SLC44A5: variants seen among roughly 807,000 people sequenced by gnomAD.
SLC44A5 encodes choline transporter-like protein 5.
SLC44A5 carries 57 observed loss-of-function variants against 101.8 expected under a neutral mutation model. The ratio of observed to expected loss-of-function variants is 0.56; its 90% CI spans 0.45 to 0.70. The LOEUF (loss-of-function observed/expected upper bound fraction) is 0.70. SLC44A5 is among the 30% of genes least tolerant of loss of function. The pLI, the probability that SLC44A5 is intolerant of heterozygous loss-of-function variation, is 0.00. For missense variants in SLC44A5, 737 were observed against 853.1 expected (o/e 0.86, Z 1.70); for synonymous variants, 281 against 290.9 (o/e 0.97, Z 0.35).
chr1:75,354,791 C>T (rs1278310199), intron 3 of SLC44A5, among the ~76,000 whole-genome samples: 3 of 152,124 alleles, frequency 2.0e-5, no homozygotes, highest in South Asian at 4.1e-4. Context: ...CAGGAATTTT[C>T]CAGAATTTCT....
chr1:75,618,843 G>T, the SLC44A5 span, among the ~76,000 whole-genome samples: 1 of 152,076 alleles, frequency 6.6e-6, no homozygotes, highest in East Asian at 1.9e-4. Context: ...GCTGAGATGG[G>T]TGGACCACCT....
chr1:75,469,317 GACTA>G (rs1479140175), intron 2 of SLC44A5, among the ~76,000 whole-genome samples: 1 of 152,284 alleles, frequency 6.6e-6, no homozygotes, highest in Admixed American at 6.5e-5. Context: ...CACAGTTGAA[GACTA>G]ACTGATTGAT....
the SLC44A5 span, among the ~76,000 whole-genome samples, chr1:75,662,678 G>T: frequency 1.2e-5 from 1 of 83,788 alleles, no homozygotes; most frequent in Admixed American, 1.1e-4. Flanking sequence ...ATATATGTAT[G>T]TAATACCCAT....
At chr1:75,659,446 A>AGGGAAGGG in the SLC44A5 span, among the ~76,000 whole-genome samples, 1 of 15,174 alleles carries the variant, frequency 6.6e-5, no homozygotes, top group Non-Finnish European at 1.9e-4. Flanking sequence ...GGAGGGAGGG[A>AGGGAAGGG]AGGAAGGAAG....
At chr1:75,580,969 G>A (rs1673664667) in intron 1 of SLC44A5, among the ~76,000 whole-genome samples, 1 of 152,204 alleles carries the variant, frequency 6.6e-6, no homozygotes, top group Non-Finnish European at 1.5e-5. Context: ...CTGTGGAGAA[G>A]AAAGATACTT....
chr1:75,479,845 C>T (rs1396272268), intron 2 of SLC44A5, among the ~76,000 whole-genome samples: 1 of 152,206 alleles, frequency 6.6e-6, no homozygotes, highest in Non-Finnish European at 1.5e-5. Flanking sequence ...GGTATCATTC[C>T]TTCTGAAACT....
intron 3 of SLC44A5, among the ~76,000 whole-genome samples, chr1:75,356,975 C>A (rs1317460156): frequency 6.6e-6 from 1 of 152,126 alleles, no homozygotes; most frequent in Non-Finnish European, 1.5e-5. Context: ...TACGTACATG[C>A]TATGATGTTT....
the SLC44A5 span, among the ~76,000 whole-genome samples, chr1:75,675,849 A>T: frequency 6.6e-6 from 1 of 152,208 alleles, no homozygotes; most frequent in South Asian, 2.1e-4. Flanking sequence ...AACTTAAATA[A>T]ATTTGTAAGA....
chr1:75,696,628 G>A, the SLC44A5 span, among the ~76,000 whole-genome samples: 3 of 152,178 alleles, frequency 2.0e-5, no homozygotes, highest in Admixed American at 2.0e-4. Flanking sequence ...AGGTGCGGTG[G>A]CTCACGCCTG....
At chr1:75,609,106 G>T (rs567278589) in intron 1 of SLC44A5, among the ~76,000 whole-genome samples, 3 of 151,468 alleles carry the variant, frequency 2.0e-5, no homozygotes, top group African/African-American at 7.3e-5. Context: ...CTACATGAAC[G>T]AATAAAATAG....
At chr1:75,654,021 A>G in the SLC44A5 span, among the ~76,000 whole-genome samples, 2 of 152,240 alleles carry the variant, frequency 1.3e-5, no homozygotes, top group Non-Finnish European at 2.9e-5. Flanking sequence ...AGGACTATCT[A>G]ACCATTTAGA....
chr1:75,478,578 C>G (rs1171612794), intron 2 of SLC44A5, among the ~76,000 whole-genome samples: 1 of 151,102 alleles, frequency 6.6e-6, no homozygotes, highest in African/African-American at 2.4e-5. Context: ...AAATGGAAAA[C>G]AAAAAAAGGC....
chr1:75,203,900 G>T, intron 23 of SLC44A5, 67 bp from the exon 24 acceptor site: 1 of 1,466,740 alleles, frequency 6.8e-7, no homozygotes, highest in South Asian at 1.4e-5. Flanking sequence ...ACCGCCATCT[G>T]CTGTATACTC....
intron 13 of SLC44A5, among the ~76,000 whole-genome samples, chr1:75,226,478 A>G (rs1343151736): frequency 6.6e-6 from 1 of 152,116 alleles, no homozygotes. Context: ...TCACCAGGAG[A>G]CTATCCTAAT....
intron 5 of SLC44A5, among the ~76,000 whole-genome samples, chr1:75,289,891 T>C (rs574559911): frequency 6.6e-6 from 1 of 152,300 alleles, no homozygotes; most frequent in African/African-American, 2.4e-5. Context: ...AGACAATCAA[T>C]GGCCAGGAAG....
intron 7 of SLC44A5, among the ~76,000 whole-genome samples, chr1:75,246,308 T>A (rs1281397329): frequency 6.6e-6 from 1 of 152,106 alleles, no homozygotes; most frequent in Non-Finnish European, 1.5e-5. Flanking sequence ...AATATGCAAG[T>A]ATATTTTGTT....
intron 1 of SLC44A5, among the ~76,000 whole-genome samples, chr1:75,575,280 T>C (rs1477496763): frequency 6.6e-6 from 1 of 152,210 alleles, no homozygotes; most frequent in Non-Finnish European, 1.5e-5. Flanking sequence ...TGAACTAAAA[T>C]GATTTCAGAC....
At chr1:75,562,075 C>G (rs1672549987) in intron 1 of SLC44A5, among the ~76,000 whole-genome samples, 2 of 151,884 alleles carry the variant, frequency 1.3e-5, no homozygotes, top group South Asian at 4.2e-4. Flanking sequence ...ATGTAACAAA[C>G]TTTCACATGT....
intron 2 of SLC44A5, among the ~76,000 whole-genome samples, chr1:75,439,998 G>T (rs980609109): frequency 1.3e-5 from 2 of 151,946 alleles, no homozygotes; most frequent in African/African-American, 4.8e-5. Flanking sequence ...AAAAATGGAA[G>T]CCAAGAAGAC....
Sources: gnomAD v4.1 joint callset for allele counts (sites outside exome capture counted in the v4.1 genomes callset) on GRCh38, gnomAD v4.1.1 for gene constraint, MANE v1.5 for transcripts, NCBI Gene and HGNC (gene_info 2026-07-23, HGNC 2026-07-21) for gene names.